The following PRKCQ variants were observed in gnomAD, a reference collection of about 807,000 sequenced individuals.
The protein encoded by PRKCQ is protein kinase C theta type.
Under a neutral mutation model 91.2 loss-of-function variants are expected in PRKCQ, and 41 were observed. That is an observed-to-expected ratio of 0.45 (90% CI 0.35 to 0.58). PRKCQ has a LOEUF of 0.58. PRKCQ is among the 20% of genes least tolerant of loss of function. The pLI, the probability that PRKCQ is intolerant of heterozygous loss-of-function variation, is 0.00. For missense variants in PRKCQ, 673 were observed against 896.5 expected (o/e 0.75, Z 3.18); for synonymous variants, 307 against 316.9 (o/e 0.97, Z 0.33).
At position 6,460,161 on chromosome 10, in the gene PRKCQ, C is replaced by CA. The variant is rs765567494; in HGVS notation, c.1508+2141dup. 5.9e-5 allele frequency among the ~76,000 whole-genome samples: 9 copies of CA among 152,018 alleles called. No individual in the cohort carries two copies. The East Asian group carries it at 1.7e-3, about 29-fold the overall frequency. On this transcript the variant is annotated intron_variant, in intron 14 of 17. Transcript: ENST00000263125. ...AGGGTCTCCTGCAACCTAATGAGCA[C>CA]AAAAAATAAACTCATTTTTTTTTCT... is the stretch of plus-strand genomic sequence containing the variant.
At chr10:6,570,308 T>C (rs1222796691) in intron 1 of PRKCQ, among the ~76,000 whole-genome samples, 1 of 151,926 alleles carries the variant, frequency 6.6e-6, no homozygotes, top group African/African-American at 2.4e-5. Context: ...TTTGAGGAGT[T>C]TGATTGTGAA....
At chr10:6,458,284 G>C (rs1488714577) in intron 14 of PRKCQ, among the ~76,000 whole-genome samples, 1 of 152,180 alleles carries the variant, frequency 6.6e-6, no homozygotes, top group Non-Finnish European at 1.5e-5. Flanking sequence ...AGGCTGCCAT[G>C]TGAAGCCAGC....
chr10:6,574,558 C>A (rs1296524555), intron 1 of PRKCQ, among the ~76,000 whole-genome samples: 1 of 152,178 alleles, frequency 6.6e-6, no homozygotes, highest in African/African-American at 2.4e-5. Context: ...GCTGACTCCT[C>A]CAGCTCCACC....
At chr10:6,404,411 CTTTCT>C in the PRKCQ span, among the ~76,000 whole-genome samples, 1 of 150,676 alleles carries the variant, frequency 6.6e-6, no homozygotes, top group Non-Finnish European at 1.5e-5. Context: ...TTCCTTCTTT[CTTTCT>C]TTTTTCTCTT....
intron 16 of PRKCQ, among the ~76,000 whole-genome samples, chr10:6,437,286 C>T (rs545366270): frequency 1.4e-4 from 21 of 152,214 alleles, no homozygotes; most frequent in African/African-American, 4.8e-4. Flanking sequence ...GGTCTTGATC[C>T]AATAGGGCTA....
Position 6,430,879 on chromosome 10 carries a change from A to G in PRKCQ, c.1896T>C (p.Pro632=). The G allele has an allele frequency of 1.2e-6, 2 of 1,614,128 alleles. No homozygotes were observed. Among genetic ancestry groups the G allele is most frequent in the Non-Finnish European group, 1.7e-6 (2 of 1,179,998 alleles). The change falls in exon 17 of 18, where the codon CCT becomes CCC. Residue 632 remains proline, a synonymous_variant. Coordinates refer to ENST00000263125, the MANE Select transcript of PRKCQ (RefSeq NM_006257.5). This position sits in a 1 kb window ranked among gnomAD's most constrained non-coding sequence, Gnocchi z 4.7. The part of the protein sequence containing the change: ...LGVRGDIRQH[P]LFREINWEEL... ...CCTCCCAGTTGATCTCCCGAAACAA[A>G]GGGTGCTGGCGGATGTCTCCCCTCA...
intron 10 of PRKCQ, 108 bp downstream of exon 10, chr10:6,485,044 A>C: frequency 1.1e-6 from 1 of 926,748 alleles, no homozygotes; most frequent in Non-Finnish European, 1.7e-6. Flanking sequence ...CTGGAGGTGG[A>C]TCACCTATCA....
chr10:6,422,023 G>A, the PRKCQ span, among the ~76,000 whole-genome samples: 1 of 152,114 alleles, frequency 6.6e-6, no homozygotes, highest in African/African-American at 2.4e-5. Context: ...TGCTTTTATA[G>A]CTGTATAAGA....
chr10:6,574,342 C>T (rs1841148801), intron 1 of PRKCQ, among the ~76,000 whole-genome samples: 1 of 152,198 alleles, frequency 6.6e-6, no homozygotes, highest in Non-Finnish European at 1.5e-5. Context: ...TAAAGGGTTC[C>T]TCCTGTTCTT....
In PRKCQ at chr10:6,456,760, C is replaced by CGATCTT. The variant is rs1835031232; in HGVS notation, c.1555_1560dup (p.Lys519_Ile520dup). 6.2e-7 allele frequency: 1 copy of CGATCTT among 1,613,974 alleles called. No individual in the cohort carries two copies. Among genetic ancestry groups the CGATCTT allele is most frequent in the Non-Finnish European group, 8.5e-7 (1 of 1,180,008 alleles). Reference sequence around the variant, plus strand: ...TTCTCCTTGCACATTCCAAAATCCGCGATCTTGATATGTCCATCTTTGTCT... The same window carrying CGATCTT: ...TTCTCCTTGCACATTCCAAAATCCGCGATCTTGATCTTGATATGTCCATCTTTGTCT... On this transcript the variant is annotated inframe_insertion, in exon 15 of 18. Transcript: ENST00000263125.
intron 8 of PRKCQ, among the ~76,000 whole-genome samples, chr10:6,490,957 G>A (rs902864566): frequency 2.6e-5 from 4 of 151,580 alleles, no homozygotes; most frequent in South Asian, 2.1e-4. Context: ...AAACGTTATC[G>A]CCTTAGCAAC....
At chr10:6,426,888 A>C (rs926339265), downstream of PRKCQ, among the ~76,000 whole-genome samples, 1 of 152,140 alleles carries the variant, frequency 6.6e-6, no homozygotes, top group African/African-American at 2.4e-5. Flanking sequence ...GGCCCCCGCC[A>C]CCACGCCTGG....
At chr10:6,426,721 A>G (rs1833132821), downstream of PRKCQ, among the ~76,000 whole-genome samples, 1 of 152,242 alleles carries the variant, frequency 6.6e-6, no homozygotes, top group Non-Finnish European at 1.5e-5. Context: ...TTTAAATATA[A>G]TATCTAAAGT....
Position 6,515,071 on chromosome 10 carries a change from C to T in PRKCQ, c.65G>A (p.Gly22Asp), listed in dbSNP as rs772179613. ...AGCACAGTAAGGGTTAACAGCCTCG[C>T]CCTGACAAGACTGGCAGGACCCGCA... Reference protein sequence around the residue: ...FDCGSCQSCQGEAVNPYCAVL... With the variant: ...FDCGSCQSCQDEAVNPYCAVL... Residue 22 changes from glycine to aspartate, a missense_variant, in exon 2 of 18, where the codon GGC becomes GAC. Transcript: ENST00000263125. The T allele has an allele frequency of 9.9e-6, 16 of 1,613,818 alleles. No homozygotes were observed. The highest frequency in any genetic ancestry group is 3.3e-4 in the Middle Eastern group (2 of 6,058).
chr10:6,566,085 G>A (rs916380447), intron 1 of PRKCQ, among the ~76,000 whole-genome samples: 7 of 152,266 alleles, frequency 4.6e-5, no homozygotes, highest in African/African-American at 1.4e-4. Flanking sequence ...CCTTTTCAGA[G>A]AAACTTGGTT....
chr10:6,410,891 C>T, the PRKCQ span, among the ~76,000 whole-genome samples: 3 of 150,674 alleles, frequency 2.0e-5, no homozygotes, highest in Non-Finnish European at 4.4e-5. Context: ...GCACGAGAAT[C>T]GCTTGAACCC....
chr10:6,554,256 C>T (rs893669771), intron 1 of PRKCQ, among the ~76,000 whole-genome samples: 12 of 152,148 alleles, frequency 7.9e-5, no homozygotes, highest in East Asian at 1.9e-4. Context: ...GTCCATGCAA[C>T]GTTGCAGAAG....
At chr10:6,569,883 T>A (rs1047700368) in intron 1 of PRKCQ, among the ~76,000 whole-genome samples, 2 of 152,080 alleles carry the variant, frequency 1.3e-5, no homozygotes, top group Non-Finnish European at 2.9e-5. Flanking sequence ...CCAGGAACTT[T>A]CTGGGGAAGA....
At chr10:6,478,682 G>A (rs1267302452) in intron 12 of PRKCQ, among the ~76,000 whole-genome samples, 1 of 152,172 alleles carries the variant, frequency 6.6e-6, no homozygotes, top group Non-Finnish European at 1.5e-5. Flanking sequence ...ACAAACACTT[G>A]TTACATTTTC....
Sources: allele counts gnomAD v4.1 joint callset (sites outside exome capture counted in the v4.1 genomes callset), GRCh38; gene constraint gnomAD v4.1.1; non-coding constraint Gnocchi (gnomAD v3.1); transcripts MANE v1.5; gene names NCBI Gene and HGNC (gene_info 2026-07-23, HGNC 2026-07-21).